LRRTM4: variants seen among roughly 807,000 people sequenced by gnomAD.
LRRTM4 encodes leucine-rich repeat transmembrane neuronal protein 4.
In LRRTM4, 25 loss-of-function variants were observed where a neutral mutation model predicts 47.6. The observed-to-expected ratio is 0.53, with a 90% confidence interval of 0.38 to 0.73. The LOEUF is 0.73. LRRTM4 is among the 30% of genes least tolerant of loss of function. The pLI is 0.00. For synonymous variants in LRRTM4, 311 were observed against 269.5 expected (o/e 1.15, Z -1.51); for missense variants, 638 against 713.4 (o/e 0.89, Z 1.20).
chr2:77,458,977 T>C (rs1015029578), intron 3 of LRRTM4, among the ~76,000 whole-genome samples: 1 of 152,030 alleles, frequency 6.6e-6, no homozygotes. Context: ...CTGCTTCTGA[T>C]ACCACATTGT....
chr2:77,049,137 T>TA (rs1679338132), intron 3 of LRRTM4, among the ~76,000 whole-genome samples: 3 of 120,342 alleles, frequency 2.5e-5, no homozygotes, highest in Non-Finnish European at 3.2e-5. Context: ...TATATATATA[T>TA]ATATATATAT....
intron 3 of LRRTM4, among the ~76,000 whole-genome samples, chr2:77,008,458 C>A (rs115931976): frequency 6.6e-6 from 1 of 152,126 alleles, no homozygotes; most frequent in Non-Finnish European, 1.5e-5. Context: ...GCCAGCATAA[C>A]TGTAGATAGT....
intron 3 of LRRTM4, among the ~76,000 whole-genome samples, chr2:77,515,081 A>G (rs1679157164): frequency 6.6e-6 from 1 of 151,908 alleles, no homozygotes; most frequent in East Asian, 1.9e-4. Flanking sequence ...GTATGTACTA[A>G]GTGAATGATT....
intron 3 of LRRTM4, among the ~76,000 whole-genome samples, chr2:77,219,717 G>A (rs1674564596): frequency 1.3e-5 from 2 of 152,198 alleles, no homozygotes; most frequent in Non-Finnish European, 2.9e-5. Flanking sequence ...CTTTTACGCA[G>A]CAGCTGTGCA....
At chr2:76,868,681 A>T (rs2104040451) in intron 3 of LRRTM4, among the ~76,000 whole-genome samples, 1 of 152,334 alleles carries the variant, frequency 6.6e-6, no homozygotes, top group East Asian at 1.9e-4. Flanking sequence ...AATAAAAAAT[A>T]TTCAGTGGAT....
chr2:77,258,962 G>A (rs1042819498), intron 3 of LRRTM4, among the ~76,000 whole-genome samples: 1 of 151,874 alleles, frequency 6.6e-6, no homozygotes, highest in Admixed American at 6.6e-5. Context: ...ATTTAAAGAA[G>A]GAGGCCTGAA....
chr2:76,826,259 G>T (rs538891006), intron 3 of LRRTM4, among the ~76,000 whole-genome samples: 2 of 151,752 alleles, frequency 1.3e-5, no homozygotes, highest in African/African-American at 2.4e-5. Flanking sequence ...TAAAGGTAAG[G>T]ATTATAGGAA....
At chr2:77,193,512 T>G (rs1427149969) in intron 3 of LRRTM4, among the ~76,000 whole-genome samples, 1 of 151,938 alleles carries the variant, frequency 6.6e-6, no homozygotes, top group African/African-American at 2.4e-5. Flanking sequence ...TTTTTTAACA[T>G]TATAAAATAT....
At chr2:77,450,314 C>T (rs529813783) in intron 3 of LRRTM4, among the ~76,000 whole-genome samples, 108 of 151,708 alleles carry the variant, frequency 7.1e-4, no homozygotes, top group African/African-American at 2.6e-3. Context: ...CACACAAACA[C>T]AGACACACAC....
intron 3 of LRRTM4, among the ~76,000 whole-genome samples, chr2:76,820,880 C>G (rs1047488773): frequency 6.6e-6 from 1 of 151,756 alleles, no homozygotes; most frequent in African/African-American, 2.4e-5. Flanking sequence ...CATCTGAATT[C>G]TCCATTTCAT....
chr2:77,043,751 C>G (rs1037714621), intron 3 of LRRTM4, among the ~76,000 whole-genome samples: 3 of 151,730 alleles, frequency 2.0e-5, no homozygotes, highest in Non-Finnish European at 4.4e-5. Context: ...GGCAGAATTC[C>G]TCTTGCAAAT....
intron 3 of LRRTM4, among the ~76,000 whole-genome samples, chr2:76,785,250 A>C (rs947683002): frequency 1.3e-5 from 2 of 151,732 alleles, no homozygotes; most frequent in African/African-American, 4.8e-5. Flanking sequence ...ACTTGTATTG[A>C]GAAAATAATT....
intron 3 of LRRTM4, among the ~76,000 whole-genome samples, chr2:77,415,989 T>C (rs1674621829): frequency 6.6e-6 from 1 of 152,150 alleles, no homozygotes; most frequent in South Asian, 2.1e-4. Flanking sequence ...AAATCCTATG[T>C]AGTAAGTCTA....
intron 3 of LRRTM4, among the ~76,000 whole-genome samples, chr2:77,185,424 T>C (rs978443096): frequency 2.0e-5 from 3 of 152,150 alleles, no homozygotes; most frequent in African/African-American, 7.2e-5. Flanking sequence ...CTCTATTGGA[T>C]CTAGAAGTAA....
intron 3 of LRRTM4, among the ~76,000 whole-genome samples, chr2:77,443,505 T>C (rs1043000761): frequency 6.6e-6 from 1 of 152,168 alleles, no homozygotes. Flanking sequence ...AAAATGCTAG[T>C]CCAAGAAACA....
intron 3 of LRRTM4, among the ~76,000 whole-genome samples, chr2:77,074,606 C>T (rs1352152727): frequency 6.6e-6 from 1 of 151,976 alleles, no homozygotes; most frequent in Non-Finnish European, 1.5e-5. Context: ...ATATATCTGG[C>T]TGGATATATT....
intron 3 of LRRTM4, among the ~76,000 whole-genome samples, chr2:77,481,483 A>T (rs2104018888): frequency 6.6e-6 from 1 of 152,236 alleles, no homozygotes; most frequent in Admixed American, 6.5e-5. Context: ...TTGACAAGGG[A>T]CTCAAATATA....
chr2:76,760,769 A>C (rs1040941793), intron 3 of LRRTM4, among the ~76,000 whole-genome samples: 1 of 152,106 alleles, frequency 6.6e-6, no homozygotes, highest in Admixed American at 6.5e-5. Context: ...AGCAGTAAAA[A>C]CTAACCATAG....
intron 3 of LRRTM4, among the ~76,000 whole-genome samples, chr2:76,814,141 A>G (rs1670829112): frequency 6.6e-6 from 1 of 152,044 alleles, no homozygotes; most frequent in Non-Finnish European, 1.5e-5. Context: ...GACTATAATG[A>G]GGTTACAGTT....
Sources: gnomAD v4.1 joint callset for allele counts (sites outside exome capture counted in the v4.1 genomes callset) on GRCh38, gnomAD v4.1.1 for gene constraint, MANE v1.5 for transcripts, NCBI Gene and HGNC (gene_info 2026-07-23, HGNC 2026-07-21) for gene names.